FAM222B: variants seen among roughly 807,000 people sequenced by gnomAD.
FAM222B encodes protein FAM222B.
Under a neutral mutation model 38.0 loss-of-function variants are expected in FAM222B, and 12 were observed. The ratio of observed to expected loss-of-function variants is 0.32; its 90% CI spans 0.20 to 0.51. FAM222B has a LOEUF of 0.51. FAM222B is among the 20% of genes least tolerant of loss of function. The probability of loss-of-function intolerance (pLI) is 0.97; values close to 1 mark genes in which losing one functional copy is unlikely to be tolerated. For synonymous variants in FAM222B, 329 were observed against 317.2 expected (o/e 1.04, Z -0.40); for missense variants, 716 against 754.2 (o/e 0.95, Z 0.59).
chr17:28,811,230 G>A (rs2037746864), intron 1 of FAM222B, among the ~76,000 whole-genome samples: 1 of 152,116 alleles, frequency 6.6e-6, no homozygotes, highest in Non-Finnish European at 1.5e-5. Flanking sequence ...CACGAGGTCA[G>A]GATATCAAGA....
intron 1 of FAM222B, among the ~76,000 whole-genome samples, chr17:28,782,856 G>A (rs748582016): frequency 5.3e-5 from 8 of 151,930 alleles, no homozygotes; most frequent in South Asian, 2.1e-4. Flanking sequence ...GAACAAACTC[G>A]GCCGGGCGCG....
upstream of FAM222B, among the ~76,000 whole-genome samples, chr17:28,843,218 A>C (rs1598066490): frequency 6.7e-6 from 1 of 149,142 alleles, no homozygotes; most frequent in Non-Finnish European, 1.5e-5. Context: ...GGCTCAAACA[A>C]CCTCCGCCTC....
intron 1 of FAM222B, among the ~76,000 whole-genome samples, chr17:28,795,647 G>C (rs951073884): frequency 7.9e-5 from 12 of 152,018 alleles, no homozygotes; most frequent in African/African-American, 2.9e-4. Flanking sequence ...TCCCAGGCTG[G>C]TCTCAAACTC....
chr17:28,847,830 T>A (rs1184165011), intron 1 of FAM222B, among the ~76,000 whole-genome samples: 1 of 148,012 alleles, frequency 6.8e-6, no homozygotes, highest in African/African-American at 2.5e-5. Flanking sequence ...CGGAGAATGG[T>A]GTGAACCCGG....
intron 1 of FAM222B, among the ~76,000 whole-genome samples, chr17:28,784,743 T>C (rs1486354795): frequency 2.6e-5 from 4 of 151,826 alleles, no homozygotes; most frequent in Non-Finnish European, 4.4e-5. Context: ...GGCAGGAGAA[T>C]TGCTTGAACC....
chr17:28,789,031 G>A (rs1048027668), intron 1 of FAM222B, among the ~76,000 whole-genome samples: 4 of 132,676 alleles, frequency 3.0e-5, no homozygotes, highest in African/African-American at 8.5e-5. Flanking sequence ...GATTACAGAT[G>A]TAAGCCACAG....
chr17:28,847,297 C>T (rs1260652555), upstream of FAM222B, among the ~76,000 whole-genome samples: 2 of 151,728 alleles, frequency 1.3e-5, no homozygotes, highest in African/African-American at 2.4e-5. Flanking sequence ...ATCTTCCTTA[C>T]TAAAATAGTG....
At chr17:28,830,097 C>T (rs2038610122) in intron 1 of FAM222B, among the ~76,000 whole-genome samples, 1 of 151,568 alleles carries the variant, frequency 6.6e-6, no homozygotes, top group East Asian at 1.9e-4. Context: ...GATCCACCCA[C>T]CTCGGCCTCC....
chr17:28,847,460 G>C (rs961443768), upstream of FAM222B, among the ~76,000 whole-genome samples: 4 of 151,786 alleles, frequency 2.6e-5, no homozygotes, highest in African/African-American at 7.3e-5. Flanking sequence ...CGGGCATTGT[G>C]GCGGAAGCCT....
At chr17:28,765,476 G>A (rs890552897) in intron 2 of FAM222B, among the ~76,000 whole-genome samples, 2 of 152,148 alleles carry the variant, frequency 1.3e-5, no homozygotes, top group Admixed American at 1.3e-4. Flanking sequence ...GTTAACCCCT[G>A]TCATAAGGGG....
chr17:28,780,421 G>A (rs2151837878), intron 1 of FAM222B, among the ~76,000 whole-genome samples: 1 of 152,122 alleles, frequency 6.6e-6, no homozygotes, highest in South Asian at 2.1e-4. Flanking sequence ...CAGTTAAGTA[G>A]TAGCATAAGG....
At chr17:28,845,050 C>T (rs2039135416), upstream of FAM222B, among the ~76,000 whole-genome samples, 1 of 151,438 alleles carries the variant, frequency 6.6e-6, no homozygotes, top group Non-Finnish European at 1.5e-5. Context: ...TACAATGAGC[C>T]GAGATCGCAC....
chr17:28,795,560 TG>T (rs1384582307), intron 1 of FAM222B, among the ~76,000 whole-genome samples: 1 of 152,214 alleles, frequency 6.6e-6, no homozygotes, highest in African/African-American at 2.4e-5. Context: ...CCTGGGCATC[TG>T]GGACTACAGA....
intron 1 of FAM222B, among the ~76,000 whole-genome samples, chr17:28,801,128 G>A (rs113115594): frequency 0.014 from 2,087 of 148,328 alleles, 35 homozygotes; most frequent in African/African-American, 0.049. Flanking sequence ...CTGCACTCCA[G>A]CTTGGACGAC....
intron 1 of FAM222B, among the ~76,000 whole-genome samples, chr17:28,811,209 G>T (rs2037745581): frequency 6.6e-6 from 1 of 152,202 alleles, no homozygotes; most frequent in African/African-American, 2.4e-5. Flanking sequence ...GGGAGGCCGA[G>T]GCGGGTGGAT....
chr17:28,821,482 G>C (rs933668490), intron 1 of FAM222B, among the ~76,000 whole-genome samples: 4 of 152,032 alleles, frequency 2.6e-5, no homozygotes, highest in Admixed American at 2.6e-4. Flanking sequence ...AAGCCAAAAT[G>C]GTCCTGTTAT....
chr17:28,825,206 G>A (rs1236643569), intron 1 of FAM222B, among the ~76,000 whole-genome samples: 1 of 152,028 alleles, frequency 6.6e-6, no homozygotes, highest in Non-Finnish European at 1.5e-5. Context: ...GCCAAAGCAG[G>A]TGAATTGCCT....
At chr17:28,810,617 G>A (rs1436287129) in intron 1 of FAM222B, among the ~76,000 whole-genome samples, 1 of 152,034 alleles carries the variant, frequency 6.6e-6, no homozygotes, top group Non-Finnish European at 1.5e-5. Flanking sequence ...AACATCTGGG[G>A]GATCCCCTTT....
Position 28,759,047 on chromosome 17 carries a change from G to A in FAM222B, c.912C>T (p.Ile304=), listed in dbSNP as rs1215176078. ...NPSPISRSLL[I]NASTRVSTHS... ...GGGTCGACACCCGGGTGCTTGCATT[G>A]ATGAGCAGACTGCGACTAATGGGGC... is the stretch of plus-strand genomic sequence containing the variant. The change falls in exon 3 of 3, where the codon ATC becomes ATT. Residue 304 remains isoleucine (I), a synonymous_variant. Transcript: ENST00000581407. The surrounding 1 kb of genome is among the most constrained non-coding windows in gnomAD (Gnocchi z 4.8). 1 of 1,612,636 alleles carries A rather than the reference G, an allele frequency of 6.2e-7. No individual in the cohort carries two copies. The highest frequency in any genetic ancestry group is 2.2e-5 in the East Asian group (1 of 44,828).
Sources: gnomAD v4.1 joint callset for allele counts (sites outside exome capture counted in the v4.1 genomes callset) on GRCh38, gnomAD v4.1.1 for gene constraint, Gnocchi (gnomAD v3.1) non-coding constraint, MANE v1.5 for transcripts, NCBI Gene and HGNC (gene_info 2026-07-23, HGNC 2026-07-21) for gene names.